Variants in OR52N4 observed in about 807,000 individuals in gnomAD.
OR52N4 encodes the protein olfactory receptor family 52 subfamily N member 4.
In OR52N4, 15 loss-of-function variants were observed where a neutral mutation model predicts 15.0. The ratio of observed to expected loss-of-function variants is 1.00; its 90% CI spans 0.67 to 1.54. OR52N4 has a LOEUF of 1.54. Ranked by LOEUF, OR52N4 falls within the 40% of genes most tolerant of loss-of-function variation. The probability of loss-of-function intolerance (pLI) is 0.00; values close to 1 mark genes in which losing one functional copy is unlikely to be tolerated. For missense variants in OR52N4, 421 were observed against 394.0 expected, an observed-to-expected ratio of 1.07 and a Z score of -0.58; for synonymous variants, 143 against 143.7, an observed-to-expected ratio of 1.00 and a Z score of 0.03.
the OR52N4 span, chr11:5,736,438 A>T: frequency 1.6e-6 from 2 of 1,227,726 alleles, no homozygotes; most frequent in Non-Finnish European, 2.3e-6. Flanking sequence ...GAAAAATACT[A>T]CAATTTTATT....
chr11:5,750,255 C>A (rs1235742520), upstream of OR52N4, among the ~76,000 whole-genome samples: 2 of 151,934 alleles, frequency 1.3e-5, no homozygotes, highest in Non-Finnish European at 2.9e-5. Flanking sequence ...GCAGTGGAAC[C>A]ATGAACACAT....
chr11:5,729,115 T>TATTC, the OR52N4 span, among the ~76,000 whole-genome samples: 99 of 20,126 alleles, frequency 4.9e-3, 3 homozygotes, highest in Middle Eastern at 0.026. Context: ...TAAATTGAGA[T>TATTC]TTTTTTTTTT....
chr11:5,745,212 G>C, the OR52N4 span, among the ~76,000 whole-genome samples: 1 of 152,034 alleles, frequency 6.6e-6, no homozygotes, highest in Non-Finnish European at 1.5e-5. Flanking sequence ...TCAAGGAAAA[G>C]AAATAAATAA....
upstream of OR52N4, among the ~76,000 whole-genome samples, chr11:5,749,340 T>C (rs2133265): frequency 0.79 from 120,165 of 151,872 alleles, 48,156 homozygotes; most frequent in Non-Finnish European, 0.86. Flanking sequence ...AAGTCATTGA[T>C]TCCAATCACA....
chr11:5,729,114 A>ATATTCTT, the OR52N4 span, among the ~76,000 whole-genome samples: 378 of 82,850 alleles, frequency 4.6e-3, 9 homozygotes, highest in East Asian at 0.011. Context: ...TTAAATTGAG[A>ATATTCTT]TTTTTTTTTT....
upstream of OR52N4, among the ~76,000 whole-genome samples, chr11:5,750,095 T>C (rs569080652): frequency 3.5e-3 from 533 of 152,050 alleles, 3 homozygotes; most frequent in Non-Finnish European, 6.0e-3. Context: ...CAAGAAAATA[T>C]AGGAAATACT....
chr11:5,749,115 A>G, the OR52N4 span, among the ~76,000 whole-genome samples: 1 of 136,888 alleles, frequency 7.3e-6, no homozygotes, highest in Admixed American at 7.5e-5. Context: ...AGCTGTGGAT[A>G]CATATATTAA....
At chr11:5,749,249 C>T (rs1462120562), upstream of OR52N4, among the ~76,000 whole-genome samples, 4 of 151,854 alleles carry the variant, frequency 2.6e-5, no homozygotes, top group Non-Finnish European at 4.4e-5. Context: ...GGGATAGTGA[C>T]AAAATTTATT....
the OR52N4 span, chr11:5,737,378 C>T: frequency 9.3e-6 from 15 of 1,614,068 alleles, no homozygotes; most frequent in African/African-American, 1.6e-4. Context: ...TAATGTGTTG[C>T]ACAACATCAT....
At position 5,755,625 on chromosome 11, in the gene OR52N4, T is replaced by C; in HGVS notation, c.885T>C (p.Tyr295=). The change falls in exon 2 of 2, where the codon TAT becomes TAC. Residue 295 remains tyrosine (Y), a synonymous_variant. Coordinates refer to ENST00000641350, the MANE Select transcript of OR52N4 (RefSeq NM_001005175.5). ...CACCCACTATGAACCCTATTGTCTA[T>C]GGGGTGAAAACCAAACAGATACGAG... ...LLPPTMNPIV[Y]GVKTKQIRDC... The C allele has an allele frequency of 2.5e-6, 4 of 1,613,828 alleles. No homozygotes were observed. Among genetic ancestry groups the C allele is most frequent in the Non-Finnish European group, 3.4e-6 (4 of 1,179,804 alleles).
the OR52N4 span, chr11:5,737,402 A>C: frequency 1.2e-6 from 2 of 1,614,026 alleles, no homozygotes; most frequent in Non-Finnish European, 1.7e-6. Flanking sequence ...CCCTTCCCTC[A>C]ACCCTACAGT....
the OR52N4 span, among the ~76,000 whole-genome samples, chr11:5,739,726 T>G: frequency 1.6e-5 from 2 of 128,264 alleles, 1 homozygote. Flanking sequence ...GAACCTGATA[T>G]AAGTAGCATT....
the OR52N4 span, among the ~76,000 whole-genome samples, chr11:5,747,759 T>G: frequency 6.6e-6 from 1 of 151,936 alleles, no homozygotes; most frequent in African/African-American, 2.4e-5. Flanking sequence ...CTCAATACCA[T>G]CAACAAGTTC....
upstream of OR52N4, among the ~76,000 whole-genome samples, chr11:5,752,328 G>A (rs918729350): frequency 1.3e-5 from 2 of 152,134 alleles, no homozygotes; most frequent in South Asian, 4.1e-4. Flanking sequence ...AAAACAAGTT[G>A]CCTTTTGATA....
At chr11:5,728,997 G>A in the OR52N4 span, among the ~76,000 whole-genome samples, 3 of 151,252 alleles carry the variant, frequency 2.0e-5, no homozygotes, top group Non-Finnish European at 4.4e-5. Flanking sequence ...CCATTAACTC[G>A]TCCTTTACAT....
the OR52N4 span, among the ~76,000 whole-genome samples, chr11:5,748,930 G>T: frequency 6.6e-6 from 1 of 151,740 alleles, no homozygotes; most frequent in Non-Finnish European, 1.5e-5. Flanking sequence ...ATCATTATTT[G>T]GACACTGAGA....
At chr11:5,737,666 C>T in the OR52N4 span, 6 of 532,586 alleles carry the variant, frequency 1.1e-5, no homozygotes, top group Non-Finnish European at 1.9e-5. Flanking sequence ...AAAATATTGA[C>T]AAAAGCTAAA....
chr11:5,749,789 C>T (rs904281333), upstream of OR52N4, among the ~76,000 whole-genome samples: 3 of 151,772 alleles, frequency 2.0e-5, no homozygotes, highest in East Asian at 5.8e-4. Flanking sequence ...ATTTATTGGC[C>T]TACAGAGTTT....
chr11:5,743,179 C>A, the OR52N4 span, among the ~76,000 whole-genome samples: 14,629 of 151,784 alleles, frequency 0.096, 737 homozygotes, highest in Middle Eastern at 0.17. Context: ...TTCAAGAATA[C>A]AATGTGACAA....
Sources: allele counts gnomAD v4.1 joint callset (sites outside exome capture counted in the v4.1 genomes callset), GRCh38; gene constraint gnomAD v4.1.1; transcripts MANE v1.5; gene names NCBI Gene and HGNC (gene_info 2026-07-23, HGNC 2026-07-21).